The following ROPN1 variants were observed in gnomAD, a reference collection of about 807,000 sequenced individuals.
The protein encoded by ROPN1 is rhophilin associated tail protein 1, also known as ropporin-1A.
In ROPN1, 14 loss-of-function variants were observed where a neutral mutation model predicts 20.5. The ratio of observed to expected loss-of-function variants is 0.68; its 90% CI spans 0.45 to 1.07. ROPN1 has a LOEUF of 1.07. Among genes scored for constraint, ROPN1 ranks in the 50% least tolerant of loss-of-function variants. The probability of loss-of-function intolerance (pLI) is 0.00; values close to 1 mark genes in which losing one functional copy is unlikely to be tolerated. For missense variants in ROPN1, 169 were observed against 242.8 expected (o/e 0.70, Z 2.02); for synonymous variants, 76 against 95.7 (o/e 0.79, Z 1.20).
intron 1 of ROPN1, among the ~76,000 whole-genome samples, chr3:123,983,602 T>C (rs959360381): frequency 6.6e-6 from 1 of 152,244 alleles, no homozygotes; most frequent in African/African-American, 2.4e-5. Context: ...TCTTTTCATT[T>C]TGGGGCAAGG....
intron 2 of ROPN1, among the ~76,000 whole-genome samples, chr3:123,978,207 C>T (rs945694892): frequency 1.3e-5 from 2 of 151,810 alleles, no homozygotes; most frequent in African/African-American, 4.8e-5. Context: ...AGGTCATCAG[C>T]AGGAAGGGCA....
intron 4 of ROPN1, among the ~76,000 whole-genome samples, chr3:123,974,016 C>T (rs2037966474): frequency 6.6e-6 from 1 of 152,058 alleles, no homozygotes; most frequent in African/African-American, 2.4e-5. Flanking sequence ...GAGAAGAGAG[C>T]GTGGTGAGGA....
chr3:123,987,010 G>C (rs922898699), intron 1 of ROPN1, among the ~76,000 whole-genome samples: 3 of 152,364 alleles, frequency 2.0e-5, no homozygotes, highest in East Asian at 1.9e-4. Context: ...GCAGAGATCA[G>C]GTCCAACAGT....
chr3:123,990,362 G>A, intron 1 of ROPN1, among the ~76,000 whole-genome samples: 1 of 152,342 alleles, frequency 6.6e-6, no homozygotes, highest in East Asian at 1.9e-4. Context: ...GAAAAGTCTA[G>A]AGTGACTATC....
intron 2 of ROPN1, among the ~76,000 whole-genome samples, chr3:123,977,546 A>G (rs1304343467): frequency 6.6e-6 from 1 of 152,110 alleles, no homozygotes; most frequent in African/African-American, 2.4e-5. Flanking sequence ...ATCTCTGAAG[A>G]AACAAAAAAG....
intron 1 of ROPN1, among the ~76,000 whole-genome samples, chr3:123,987,980 G>A (rs901190163): frequency 1.3e-5 from 2 of 152,144 alleles, no homozygotes; most frequent in African/African-American, 4.8e-5. Flanking sequence ...TTACAGACTG[G>A]CATGTAAACT....
chr3:123,981,110 T>C (rs2038138271), intron 1 of ROPN1, among the ~76,000 whole-genome samples: 1 of 152,146 alleles, frequency 6.6e-6, no homozygotes, highest in Non-Finnish European at 1.5e-5. Flanking sequence ...TGAAACAAAA[T>C]ATGAAAATCC....
intron 4 of ROPN1, among the ~76,000 whole-genome samples, chr3:123,971,901 C>T (rs181305499): frequency 2.1e-3 from 312 of 152,154 alleles, no homozygotes; most frequent in African/African-American, 7.2e-3. Context: ...TTTGAACATA[C>T]GACCGTTAAA....
chr3:123,989,099 G>T (rs1021992585), intron 1 of ROPN1, among the ~76,000 whole-genome samples: 1 of 152,184 alleles, frequency 6.6e-6, no homozygotes, highest in African/African-American at 2.4e-5. Context: ...CAGGTATTCA[G>T]TAAGCATATG....
At chr3:123,989,668 G>C (rs1027437372) in intron 1 of ROPN1, among the ~76,000 whole-genome samples, 1 of 152,204 alleles carries the variant, frequency 6.6e-6, no homozygotes, top group African/African-American at 2.4e-5. Context: ...GTACACAGTG[G>C]CTATCAGTGC....
chr3:123,975,868 G>C (rs528486322), intron 3 of ROPN1: 1 of 371,320 alleles, frequency 2.7e-6, no homozygotes, highest in South Asian at 2.1e-5. Flanking sequence ...ATGACAGATA[G>C]AAGAGCCTGA....
chr3:123,973,474 T>A (rs1212466551), intron 4 of ROPN1, among the ~76,000 whole-genome samples: 1 of 152,114 alleles, frequency 6.6e-6, no homozygotes, highest in Non-Finnish European at 1.5e-5. Context: ...TAGATGAACC[T>A]CATGGAATAT....
chr3:123,970,115 A>G lies in ROPN1; in HGVS notation c.499T>C (p.Tyr167His). The G allele has an allele frequency of 6.2e-7, 1 of 1,614,178 alleles. No individual in the cohort carries two copies. Among genetic ancestry groups the G allele is most frequent in the Non-Finnish European group, 8.5e-7 (1 of 1,180,022 alleles). The change falls in exon 5 of 6, where the codon TAT becomes CAT. Residue 167 changes from tyrosine to histidine, a missense_variant. By Grantham distance (83) the Tyr-to-His change is moderately conservative. This residue lies in a region of ROPN1 where 82 missense variants were observed against 100.1 expected (regional missense o/e 0.82). Transcript: ENST00000405845. Reference sequence around the variant, plus strand: ...ATCTCCCCATCCACTTTGGCAATATACGTGTAGAGAAACTGGAAGGTGCTG... The same window carrying G: ...ATCTCCCCATCCACTTTGGCAATATGCGTGTAGAGAAACTGGAAGGTGCTG... ...PFSTFQFLYT[Y>H]IAKVDGEISA...
rs144375462 is a variant in ROPN1 at position 123,987,612 on chromosome 3, C to T, written c.-13+4310G>A. On this transcript the variant is annotated intron_variant, in intron 1 of 5. Coordinates refer to ENST00000405845, the MANE Select transcript of ROPN1 (RefSeq NM_001317774.2). ...CAAGATCTCCCCAATTTGCCTTATT[C>T]GTATTAACTTTCCTTCTTCAACTGT... is the stretch of plus-strand genomic sequence containing the variant. Among the ~76,000 whole-genome samples, 38 of 152,316 alleles carry T rather than the reference C, an allele frequency of 2.5e-4. No individual in the cohort carries two copies. In the East Asian group the frequency reaches 6.6e-3, roughly 26 times the overall value.
chr3:123,983,661 C>T (rs1277775310), intron 1 of ROPN1, among the ~76,000 whole-genome samples: 1 of 152,050 alleles, frequency 6.6e-6, no homozygotes, highest in Non-Finnish European at 1.5e-5. Context: ...GGGGTTGGTC[C>T]TTCTTTAACC....
rs116429070 is a variant in ROPN1, at chr3:123,989,724, T to C, written c.-13+2198A>G. Among the ~76,000 whole-genome samples the C allele has an allele frequency of 2.9e-3, 436 of 152,292 alleles. 1 individual carries two copies. Among genetic ancestry groups the C allele is most frequent in the African/African-American group, 0.01 (417 of 41,562 alleles). ...CTGGCACCTCTCTTGGGAAGCTCTA[T>C]AGCAGAGTGCTGTCAGTGAGTTACC... On this transcript the variant is annotated intron_variant, in intron 1 of 5. Coordinates refer to ENST00000405845, the MANE Select transcript of ROPN1 (RefSeq NM_001317774.2).
intron 1 of ROPN1, among the ~76,000 whole-genome samples, chr3:123,989,687 T>A (rs888946069): frequency 1.3e-5 from 2 of 152,234 alleles, no homozygotes; most frequent in African/African-American, 2.4e-5. Context: ...GCTCCATGGC[T>A]AGCAGTGTCC....
Position 123,975,492 on chromosome 3 carries a change from T to G in ROPN1, c.283A>C (p.Lys95Gln). 1 of 787,944 alleles carries G rather than the reference T, an allele frequency of 1.3e-6. No homozygotes were observed. The highest frequency in any genetic ancestry group is 2.1e-6 in the Non-Finnish European group (1 of 481,406). The allele number at this position is 787,944 out of a possible 1,614,324, so 48.8% of individuals were successfully genotyped here. The change falls in exon 4 of 6, where the codon AAA becomes CAA. Residue 95 changes from lysine to glutamine, a missense_variant. Physicochemically the swap from Lys to Gln is moderately conservative, Grantham distance 53. Transcript: ENST00000405845. ...IRAEELAQMW[K>Q]VVNLPTDLFN... The stretch of plus-strand genomic sequence containing the variant: ...AGATCTGTTGGGAGATTCACCACTT[T>G]CCACATCTGGGCCAGCTCCTCTGCA...
At chr3:123,983,154 A>G (rs1053175035) in intron 1 of ROPN1, among the ~76,000 whole-genome samples, 3 of 152,210 alleles carry the variant, frequency 2.0e-5, no homozygotes, top group African/African-American at 4.8e-5. Context: ...CCACAATTTT[A>G]TCCATTCATA....
Sources: gnomAD v4.1 joint callset for allele counts (sites outside exome capture counted in the v4.1 genomes callset) on GRCh38, gnomAD v4.1.1 for gene constraint, gnomAD v4.1.1 regional missense constraint, MANE v1.5 for transcripts, NCBI Gene and HGNC (gene_info 2026-07-23, HGNC 2026-07-21) for gene names.